Variants in OSBPL1A observed in about 807,000 individuals in gnomAD.
The protein encoded by OSBPL1A is oxysterol-binding protein-related protein 1.
Under a neutral mutation model 137.1 loss-of-function variants are expected in OSBPL1A, and 80 were observed. The observed-to-expected ratio is 0.58, with a 90% CI of 0.49 to 0.70. The LOEUF (loss-of-function observed/expected upper bound fraction) is 0.70. OSBPL1A is among the 30% of genes least tolerant of loss of function. OSBPL1A has a pLI of 0.00. For synonymous variants in OSBPL1A, 365 were observed against 389.7 expected (o/e 0.94, Z 0.75); for missense variants, 970 against 1,129.4 (o/e 0.86, Z 2.02).
intron 18 of OSBPL1A, among the ~76,000 whole-genome samples, chr18:24,190,875 G>A (rs2086872923): frequency 6.6e-6 from 1 of 152,186 alleles, no homozygotes. Flanking sequence ...CCAGTGATAT[G>A]TCTGGGCATG....
At chr18:24,276,340 A>G (rs1405847763) in intron 15 of OSBPL1A, among the ~76,000 whole-genome samples, 1 of 152,178 alleles carries the variant, frequency 6.6e-6, no homozygotes, top group African/African-American at 2.4e-5. Context: ...CAAGAAAACT[A>G]CCCTAAAAAC....
chr18:24,340,854 A>C (rs1356882847), intron 5 of OSBPL1A, among the ~76,000 whole-genome samples: 3 of 152,188 alleles, frequency 2.0e-5, no homozygotes, highest in Non-Finnish European at 4.4e-5. Context: ...TACAGGTTGC[A>C]CTGCCACCTC....
At chr18:24,192,400 G>A (rs1404749064) in intron 18 of OSBPL1A, among the ~76,000 whole-genome samples, 2 of 152,220 alleles carry the variant, frequency 1.3e-5, no homozygotes, top group East Asian at 3.8e-4. Flanking sequence ...TGACTAAGCA[G>A]TGTCAGGATT....
Position 24,395,897 on chromosome 18 carries a change from C to T in OSBPL1A, c.-3+1758G>A, listed in dbSNP as rs577734334. Among the ~76,000 whole-genome samples the T allele has an allele frequency of 2.7e-5, 4 of 149,198 alleles. No individual in the cohort carries two copies. The South Asian group carries it at 8.9e-4, about 33-fold the overall frequency. On this transcript the variant is annotated intron_variant, in intron 1 of 27. Transcript: ENST00000319481. ...TCGGCCTCCCAAAGTGCTGGGATTA[C>T]AGGCGTGAGCCATGGCACCCGGCCA...
intron 4 of OSBPL1A, among the ~76,000 whole-genome samples, chr18:24,360,905 C>A (rs528696429): frequency 6.6e-6 from 1 of 152,252 alleles, no homozygotes; most frequent in African/African-American, 2.4e-5. Flanking sequence ...CACCCTCACA[C>A]CTGAACTGGA....
chr18:24,215,321 G>T (rs549192319), intron 17 of OSBPL1A, among the ~76,000 whole-genome samples: 2 of 152,210 alleles, frequency 1.3e-5, no homozygotes, highest in Admixed American at 1.3e-4. Context: ...GCTGAACACT[G>T]TGCTGTATCA....
intron 4 of OSBPL1A, 30 bp from the exon 5 acceptor site, chr18:24,341,688 T>C: frequency 1.3e-6 from 2 of 1,489,842 alleles, no homozygotes; most frequent in Non-Finnish European, 1.9e-6. Flanking sequence ...TTTTTAACTA[T>C]TAAGCTAAGA....
chr18:24,320,948 G>A (rs1462032360), intron 7 of OSBPL1A, among the ~76,000 whole-genome samples: 1 of 149,466 alleles, frequency 6.7e-6, no homozygotes, highest in Non-Finnish European at 1.5e-5. Flanking sequence ...AGAATCACTT[G>A]AACCTGAGAG....
intron 13 of OSBPL1A, among the ~76,000 whole-genome samples, chr18:24,304,371 C>T (rs2090461887): frequency 6.6e-6 from 1 of 152,136 alleles, no homozygotes; most frequent in South Asian, 2.1e-4. Flanking sequence ...AAAGTTACAT[C>T]CCATCTTAGT....
intron 1 of OSBPL1A, among the ~76,000 whole-genome samples, chr18:24,379,537 T>C (rs998891431): frequency 1.4e-5 from 2 of 144,246 alleles, no homozygotes; most frequent in Non-Finnish European, 3.0e-5. Flanking sequence ...AAAAAAAGAA[T>C]GTTAAGAGAA....
chr18:24,324,780 T>C (rs1261496766), intron 7 of OSBPL1A, among the ~76,000 whole-genome samples: 1 of 124,944 alleles, frequency 8.0e-6, no homozygotes, highest in Non-Finnish European at 1.6e-5. Context: ...CGAGACTCTG[T>C]CTATTAAAAA....
At chr18:24,268,464 C>G (rs1480026176) in intron 15 of OSBPL1A, among the ~76,000 whole-genome samples, 1 of 152,102 alleles carries the variant, frequency 6.6e-6, no homozygotes, top group African/African-American at 2.4e-5. Context: ...ATTTCAATGA[C>G]CAACCACCAT....
chr18:24,299,696 T>A (rs2090361110), intron 14 of OSBPL1A, among the ~76,000 whole-genome samples: 1 of 152,200 alleles, frequency 6.6e-6, no homozygotes. Context: ...GACAAGAGCA[T>A]CAGGTAACTT....
intron 24 of OSBPL1A, among the ~76,000 whole-genome samples, chr18:24,168,846 C>G (rs571515005): frequency 2.0e-5 from 3 of 152,324 alleles, no homozygotes; most frequent in Non-Finnish European, 4.4e-5. Flanking sequence ...AAAAAAAATA[C>G]TTTTCACAGA....
rs1450677634 is a variant in OSBPL1A, at chr18:24,175,102, GTGTATGTATATA to G, written c.2094-2631_2094-2620del. Among the ~76,000 whole-genome samples, 379 of 83,478 alleles carry G rather than the reference GTGTATGTATATA, an allele frequency of 4.5e-3. 4 individuals carry two copies. The highest frequency in any genetic ancestry group is 0.014 in the African/African-American group (181 of 13,382). The allele number at this position is 83,478 out of a possible 152,430, so 54.8% of individuals were successfully genotyped here. A position where few individuals can be genotyped will look rare whatever the true frequency, so the allele number is the denominator to read the frequency against. ...CTGACTTCATGTGCTTATTTGCCAT[GTGTATGTATATA>G]TATATATATATATATATATATACAC... On this transcript the variant is annotated intron_variant, in intron 21 of 27. Coordinates refer to ENST00000319481, the MANE Select transcript of OSBPL1A (RefSeq NM_080597.4).
intron 4 of OSBPL1A, among the ~76,000 whole-genome samples, chr18:24,351,801 A>G (rs916749189): frequency 3.9e-5 from 6 of 152,216 alleles, no homozygotes; most frequent in Non-Finnish European, 8.8e-5. Flanking sequence ...CAGCCTCACA[A>G]ATGGCTGGGA....
At chr18:24,313,298 A>G (rs2090659644) in intron 12 of OSBPL1A, among the ~76,000 whole-genome samples, 1 of 151,624 alleles carries the variant, frequency 6.6e-6, no homozygotes, top group African/African-American at 2.4e-5. Flanking sequence ...AAAATTAGCC[A>G]GGCATGGTGG....
intron 1 of OSBPL1A, among the ~76,000 whole-genome samples, chr18:24,396,738 A>C (rs533784885): frequency 4.6e-5 from 7 of 152,284 alleles, no homozygotes; most frequent in Non-Finnish European, 7.4e-5. Flanking sequence ...GCTGCAAAAA[A>C]TTCATTGTAT....
At chr18:24,273,944 C>A (rs1330404884) in intron 15 of OSBPL1A, among the ~76,000 whole-genome samples, 1 of 151,916 alleles carries the variant, frequency 6.6e-6, no homozygotes, top group Non-Finnish European at 1.5e-5. Flanking sequence ...TATTAAAAAA[C>A]CAAATTGAAC....
Sources: allele counts gnomAD v4.1 joint callset (sites outside exome capture counted in the v4.1 genomes callset), GRCh38; gene constraint gnomAD v4.1.1; transcripts MANE v1.5; gene names NCBI Gene and HGNC (gene_info 2026-07-23, HGNC 2026-07-21).